ALDH3B1: variants seen among roughly 807,000 people sequenced by gnomAD.
The protein encoded by ALDH3B1 is aldehyde dehydrogenase 3 family member B1.
In ALDH3B1, 37 loss-of-function variants were observed where a neutral mutation model predicts 46.2. The observed-to-expected ratio is 0.80, with a 90% confidence interval of 0.62 to 1.05. The LOEUF (loss-of-function observed/expected upper bound fraction) is 1.05. Ranked by LOEUF, ALDH3B1 falls within the 50% of genes least tolerant of loss-of-function variation. The probability of loss-of-function intolerance (pLI) is 0.00; values close to 1 mark genes in which losing one functional copy is unlikely to be tolerated. For synonymous variants in ALDH3B1, 283 were observed against 281.0 expected (o/e 1.01, Z -0.07); for missense variants, 603 against 665.5 (o/e 0.91, Z 1.03).
chr11:68,015,164 T>G, intron 1 of ALDH3B1, 133 bp from the exon 2 acceptor site: 1 of 957,962 alleles, frequency 1.0e-6, no homozygotes, highest in Non-Finnish European at 1.5e-6. Context: ...CCTGTGTGTG[T>G]ATAAGGTAGA....
In ALDH3B1 at chr11:68,015,846, G is replaced by A. The variant is rs567815235; in HGVS notation, c.162+387G>A. On this transcript the variant is annotated intron_variant, in intron 2 of 9. Coordinates refer to ENST00000342456, the MANE Select transcript of ALDH3B1 (RefSeq NM_000694.4). ...TTTGGGAGGCCGAGGTGGGCGGATC[G>A]CTTGAGGCCAGGAGTTCAAGACCAT... The A allele has an allele frequency of 5.1e-4, 183 of 358,466 alleles. 3 individuals are homozygous for A. Among genetic ancestry groups the A allele is most frequent in the South Asian group, 3.6e-3 (170 of 47,854 alleles). The allele number at this position is 358,466 out of a possible 1,614,324, so 22.2% of individuals were successfully genotyped here.
intron 1 of ALDH3B1, among the ~76,000 whole-genome samples, chr11:68,011,224 G>T (rs769970710): frequency 2.0e-5 from 3 of 152,248 alleles, no homozygotes; most frequent in Non-Finnish European, 2.9e-5. Flanking sequence ...GGCAGTGGCA[G>T]AGCAGGGGGT....
chr11:68,015,296 G>A lies in ALDH3B1; in HGVS notation c.-1-1G>A, dbSNP rs570890777. On this transcript the variant is annotated splice_acceptor_variant, in intron 1 of 9. Coordinates refer to ENST00000342456, the MANE Select transcript of ALDH3B1 (RefSeq NM_000694.4). LOFTEE classifies it low-confidence loss of function (5UTR_SPLICE). ...CCAGTTCATGCCACCCCATCTGGCAGGATGGACCCCCTTGGGGACACGCTG... is the reference window on the plus strand; with the variant it reads ...CCAGTTCATGCCACCCCATCTGGCAAGATGGACCCCCTTGGGGACACGCTG... 6.8e-6 allele frequency: 10 copies of A among 1,476,490 alleles called. No homozygotes were observed. The South Asian group carries it at 6.9e-5, about 10-fold the overall frequency. 91.5% of individuals were successfully genotyped at this position (1,476,490 alleles called of 1,614,324 possible).
intron 9 of ALDH3B1, among the ~76,000 whole-genome samples, chr11:68,027,076 AC>A (rs551574693): frequency 2.0e-5 from 3 of 149,354 alleles, no homozygotes; most frequent in African/African-American, 7.4e-5. Flanking sequence ...CCGTGGCCCC[AC>A]CCCGGCTTCC....
intron 4 of ALDH3B1, 28 bp downstream of exon 4, chr11:68,018,921 C>A: frequency 1.3e-6 from 2 of 1,544,230 alleles, no homozygotes; most frequent in Non-Finnish European, 1.7e-6. Flanking sequence ...CCCTTCCGGT[C>A]ACCCTTCTCC....
At chr11:68,025,039 G>T (rs573882120) in intron 8 of ALDH3B1, 1 of 152,246 alleles carries the variant, frequency 6.6e-6, no homozygotes, top group African/African-American at 2.4e-5. Flanking sequence ...GCTTCATCTG[G>T]ATACTTTCAC....
At chr11:68,019,934 C>T in intron 6 of ALDH3B1, 138 bp downstream of exon 6, 2 of 973,252 alleles carry the variant, frequency 2.1e-6, no homozygotes, top group East Asian at 5.0e-5. Context: ...GGGAGCAGTC[C>T]TGGACCCCCA....
At chr11:68,025,451 G>A (rs894917197) in intron 8 of ALDH3B1, 2 of 152,146 alleles carry the variant, frequency 1.3e-5, no homozygotes, top group African/African-American at 4.8e-5. Flanking sequence ...ACAGATTGAG[G>A]AAGAAGGTCC....
chr11:68,019,617 CG>C, intron 5 of ALDH3B1, 97 bp from the exon 6 acceptor site: 1 of 1,351,070 alleles, frequency 7.4e-7, no homozygotes, highest in Non-Finnish European at 1.0e-6. Context: ...TCAGGCCAGG[CG>C]GGGTGGAGGC....
chr11:68,019,899 T>A, intron 6 of ALDH3B1, 103 bp downstream of exon 6: 1 of 414,986 alleles, frequency 2.4e-6, no homozygotes. Flanking sequence ...TGAATTCTCC[T>A]CTCTCTCTCT....
At chr11:68,017,463 C>T (rs1565134804) in intron 2 of ALDH3B1, 1 of 152,700 alleles carries the variant, frequency 6.5e-6, no homozygotes, top group Non-Finnish European at 1.5e-5. Flanking sequence ...TCTGCCCTGA[C>T]CCGGGAGAGC....
Position 68,021,503 on chromosome 11 carries a change from A to G in ALDH3B1, c.581A>G (p.Lys194Arg), listed in dbSNP as rs1208063222. 6.2e-7 allele frequency: 1 copy of G among 1,612,902 alleles called. No homozygotes were observed. Among genetic ancestry groups the G allele is most frequent in the East Asian group, 2.2e-5 (1 of 44,860 alleles). The change falls in exon 7 of 10, where the codon AAG (lysine) becomes AGG (arginine). Residue 194 changes from lysine to arginine, a missense_variant. By Grantham distance (26) the Lys-to-Arg change is conservative (BLOSUM62 2). Coordinates refer to ENST00000342456, the MANE Select transcript of ALDH3B1 (RefSeq NM_000694.4). ...TGCCCAGGGAGCCCTCGTGTGGGCA[A>G]GATTGTTATGACTGCTGCCGCCAAG... ...IFFTGSPRVG[K>R]IVMTAAAKHL...
intron 6 of ALDH3B1, 87 bp from the exon 7 acceptor site, chr11:68,021,398 T>C: frequency 6.6e-7 from 1 of 1,525,780 alleles, no homozygotes; most frequent in Non-Finnish European, 8.8e-7. Context: ...CTCCACCACC[T>C]CTCCAGGGAG....
Position 68,018,587 on chromosome 11 carries a change from C to A in ALDH3B1, c.223C>A (p.Leu75Ile). 1 of 1,583,730 alleles carries A rather than the reference C, an allele frequency of 6.3e-7. No homozygotes were observed. The highest frequency in any genetic ancestry group is 1.2e-5 in the South Asian group (1 of 86,468). ...CAGCCAGGGCGAGGTCACCCTGGCCCTCAGGAACCTCCGGGCCTGGATGAA... is the reference window on the plus strand; with the variant it reads ...CAGCCAGGGCGAGGTCACCCTGGCCATCAGGAACCTCCGGGCCTGGATGAA... The part of the protein sequence containing the change: ...AISQGEVTLA[L>I]RNLRAWMKDE... The change falls in exon 3 of 10, where the codon CTC becomes ATC. Residue 75 changes from leucine (L) to isoleucine (I), a missense_variant. Physicochemically the swap from Leu to Ile is conservative, Grantham distance 5. Transcript: ENST00000342456.
At chr11:68,019,893 T>TTCAG in intron 6 of ALDH3B1, 97 bp downstream of exon 6, 1 of 1,295,678 alleles carries the variant, frequency 7.7e-7, no homozygotes. Context: ...GGAGACTGAA[T>TTCAG]TCTCCTCTCT....
upstream of ALDH3B1, chr11:68,008,714 G>C (rs1049455457): frequency 6.6e-6 from 1 of 151,804 alleles, no homozygotes; most frequent in Non-Finnish European, 1.5e-5. Flanking sequence ...GCTGGCGGGT[G>C]GGGGGGGCCA....
rs1409537532 is a variant in ALDH3B1 at position 68,018,620 on chromosome 11, C to A, written c.256C>A (p.Arg86Ser). ...CCTCCGGGCCTGGATGAAGGACGAG[C>A]GTGTGCCCAAGAACCTGGTGAGCCG... ...RNLRAWMKDE[R>S]VPKNLATQLD... Residue 86 changes from arginine to serine, a missense_variant, in exon 3 of 10, where the codon CGT becomes AGT. Transcript: ENST00000342456. 1 of 1,577,906 alleles carries A rather than the reference C, an allele frequency of 6.3e-7. No homozygotes were observed. Among genetic ancestry groups the A allele is most frequent in the Non-Finnish European group, 8.6e-7 (1 of 1,162,432 alleles).
chr11:68,028,419 G>A lies in ALDH3B1; in HGVS notation c.*480G>A. On this transcript the variant is annotated 3_prime_UTR_variant, in exon 10 of 10. Transcript: ENST00000342456. Reference sequence around the variant, plus strand: ...TGGCTGGGTGAGGCGGCTCACACCTGTAATCCCAGCACTTTGGGAGGCCGA... The same window carrying A: ...TGGCTGGGTGAGGCGGCTCACACCTATAATCCCAGCACTTTGGGAGGCCGA... The A allele has an allele frequency of 3.5e-6, 1 of 289,208 alleles. No homozygotes were observed. Among genetic ancestry groups the A allele is most frequent in the Non-Finnish European group, 7.0e-6 (1 of 143,488 alleles). 17.9% of individuals were successfully genotyped at this position (289,208 alleles called of 1,614,324 possible).
Position 68,028,168 on chromosome 11 carries a change from G to C in ALDH3B1, c.*229G>C. On this transcript the variant is annotated 3_prime_UTR_variant, in exon 10 of 10. Transcript: ENST00000342456. ...GCCGAGGTGGGAGGCATGGGAAACA[G>C]TGCAGTGACTCACCCCCTGCCCCCG... 1.4e-6 allele frequency: 1 copy of C among 736,550 alleles called. No homozygotes were observed. Among genetic ancestry groups the C allele is most frequent in the Non-Finnish European group, 2.5e-6 (1 of 407,232 alleles). The allele number at this position is 736,550 out of a possible 1,614,324, so 45.6% of individuals were successfully genotyped here.
Sources: allele counts gnomAD v4.1 joint callset (sites outside exome capture counted in the v4.1 genomes callset), GRCh38; gene constraint gnomAD v4.1.1; transcripts MANE v1.5; gene names NCBI Gene and HGNC (gene_info 2026-07-23, HGNC 2026-07-21).